The following KANK1 variants were observed in gnomAD, a reference collection of about 807,000 sequenced individuals.
KANK1 encodes KN motif and ankyrin repeat domains 1.
A neutral mutation model predicts 106.2 loss-of-function variants in KANK1; 109 were observed. The observed-to-expected ratio is 1.03, with a 90% CI of 0.88 to 1.20. KANK1 has a LOEUF of 1.20. Among genes scored for constraint, KANK1 ranks in the 50% most tolerant of loss-of-function variants. The pLI is 0.00. For synonymous variants in KANK1, 873 were observed against 652.2 expected, an observed-to-expected ratio of 1.34 and a Z score of -5.16; for missense variants, 2,399 against 1,710.7, an observed-to-expected ratio of 1.40 and a Z score of -7.10.
chr9:576,932 C>G (rs1220962658), intron 1 of KANK1, among the ~76,000 whole-genome samples: 2 of 152,192 alleles, frequency 1.3e-5, no homozygotes, highest in Non-Finnish European at 2.9e-5. Flanking sequence ...GCCATAGACC[C>G]TCACGGTGAG....
intron 1 of KANK1, among the ~76,000 whole-genome samples, chr9:576,083 A>G (rs1820482674): frequency 6.6e-6 from 1 of 152,216 alleles, no homozygotes; most frequent in Admixed American, 6.5e-5. Context: ...GACCAGCATC[A>G]TTCACATCAT....
rs769857023 is a variant in KANK1, at chr9:742,376, C to A, written c.3868C>A (p.Pro1290Thr). The A allele has an allele frequency of 1.2e-6, 2 of 1,613,812 alleles. No homozygotes were observed. The highest frequency in any genetic ancestry group is 1.7e-6 in the Non-Finnish European group (2 of 1,179,850). ...GATTGTCAAGCTGCTGCTGGCCCAG[C>A]CCGGCTGCAACGGTCACCTAGAGGA... ...VEIVKLLLAQ[P>T]GCNGHLEDND... is the part of the protein sequence containing the mutation. Residue 1290 changes from proline to threonine, a missense_variant, in exon 10 of 12, where the codon CCC becomes ACC. Physicochemically the swap from Pro to Thr is conservative, Grantham distance 38. Coordinates refer to ENST00000382297, the MANE Select transcript of KANK1 (RefSeq NM_015158.5).
At chr9:571,435 A>C (rs1819136678) in intron 1 of KANK1, among the ~76,000 whole-genome samples, 1 of 152,226 alleles carries the variant, frequency 6.6e-6, no homozygotes, top group Non-Finnish European at 1.5e-5. Flanking sequence ...AAAAATAATA[A>C]AATAAAAAGC....
chr9:621,259 A>G (rs1433093047), intron 1 of KANK1, among the ~76,000 whole-genome samples: 2 of 152,156 alleles, frequency 1.3e-5, no homozygotes, highest in Non-Finnish European at 2.9e-5. Flanking sequence ...GTAAATTAAT[A>G]ATTTTGAGCT....
chr9:474,737 GAGCAGGGGGAGATC>G (rs1296042166), intron 3 of KANK1, among the ~76,000 whole-genome samples: 1 of 152,144 alleles, frequency 6.6e-6, no homozygotes, highest in Non-Finnish European at 1.5e-5. Context: ...AAATGGGGTT[GAGCAGGGGGAGATC>G]AGAGGATGAG....
chr9:671,478 T>C (rs1845888152), intron 1 of KANK1, among the ~76,000 whole-genome samples: 1 of 151,442 alleles, frequency 6.6e-6, no homozygotes, highest in Non-Finnish European at 1.5e-5. Flanking sequence ...ACCGCATCTC[T>C]ACTGAAAATA....
intron 1 of KANK1, among the ~76,000 whole-genome samples, chr9:632,172 T>A (rs1835897760): frequency 6.6e-6 from 1 of 152,200 alleles, no homozygotes; most frequent in South Asian, 2.1e-4. Flanking sequence ...AGTGAACTTC[T>A]TTTGAAGTCA....
intron 1 of KANK1, among the ~76,000 whole-genome samples, chr9:600,099 T>A (rs1325512796): frequency 1.3e-5 from 2 of 151,850 alleles, no homozygotes; most frequent in Admixed American, 6.5e-5. Context: ...ATTGCACAAT[T>A]CAGTAATGTT....
rs556485552 is a variant in KANK1 at position 714,322 on chromosome 9, GGT to G, written c.2698+860_2698+861del. Among the ~76,000 whole-genome samples, 176 of 151,698 alleles carry G rather than the reference GGT, an allele frequency of 1.2e-3. 1 individual carries two copies. The highest frequency in any genetic ancestry group is 4.0e-3 in the African/African-American group (165 of 41,354). Reference sequence around the variant, plus strand: ...TCAGGGTGAGGGCTGTTTGAGATGAGGTGGTCAAACTTGGAGAGAAGGGAGTC... The same window carrying G: ...TCAGGGTGAGGGCTGTTTGAGATGAGGGTCAAACTTGGAGAGAAGGGAGTC... On this transcript the variant is annotated intron_variant, in intron 3 of 11. Coordinates refer to ENST00000382297, the MANE Select transcript of KANK1 (RefSeq NM_015158.5).
At chr9:529,443 C>T (rs2059960965) in intron 1 of KANK1, among the ~76,000 whole-genome samples, 1 of 151,304 alleles carries the variant, frequency 6.6e-6, no homozygotes, top group Non-Finnish European at 1.5e-5. Flanking sequence ...TCGTGATCCA[C>T]TTGCCTTCGC....
Position 713,119 on chromosome 9 carries a change from C to T in KANK1, c.2353C>T (p.Gln785Ter). The change falls in exon 3 of 12, where the codon CAG becomes TAG. Residue 785 changes from glutamine to a stop codon, truncating the protein, a stop_gained. Transcript: ENST00000382297. LOFTEE classifies it high-confidence loss of function. ...KMRTIACGPPQLTVGLTASRR... is the reference protein window; with the variant it reads ...KMRTIACGPP Reference sequence around the variant, plus strand: ...GAGGACTATAGCTTGTGGGCCACCACAGTTGACTGTGGGGCTGACAGCCAG... The same window carrying T: ...GAGGACTATAGCTTGTGGGCCACCATAGTTGACTGTGGGGCTGACAGCCAG... 2 of 1,604,120 alleles carry T rather than the reference C, an allele frequency of 1.2e-6. No homozygotes were observed. The highest frequency in any genetic ancestry group is 1.7e-6 in the Non-Finnish European group (2 of 1,173,236).
intron 1 of KANK1, among the ~76,000 whole-genome samples, chr9:650,730 C>G (rs542490935): frequency 6.6e-6 from 1 of 151,718 alleles, no homozygotes; most frequent in African/African-American, 2.4e-5. Flanking sequence ...GTATTGTCCC[C>G]GGTCTCTTTA....
intron 1 of KANK1, among the ~76,000 whole-genome samples, chr9:505,087 G>T (rs2058684813): frequency 6.6e-6 from 1 of 151,970 alleles, no homozygotes; most frequent in Non-Finnish European, 1.5e-5. Context: ...AGAAAGTTCG[G>T]GCCGGGCCGG....
intron 1 of KANK1, among the ~76,000 whole-genome samples, chr9:661,046 C>G (rs760467226): frequency 1.1e-4 from 17 of 151,486 alleles, no homozygotes; most frequent in Non-Finnish European, 2.1e-4. Flanking sequence ...AACAGCTGTC[C>G]AATTTCATGG....
At chr9:483,343 C>T (rs371764625) in intron 3 of KANK1, among the ~76,000 whole-genome samples, 9 of 152,166 alleles carry the variant, frequency 5.9e-5, no homozygotes, top group African/African-American at 2.2e-4. Context: ...GATGCCTTAG[C>T]TTCAATCCCC....
In KANK1 at chr9:614,573, G is replaced by T. The variant is rs112731791; in HGVS notation, c.-83-62317G>T. Among the ~76,000 whole-genome samples, 812 of 152,226 alleles carry T rather than the reference G, an allele frequency of 5.3e-3. 11 individuals are homozygous for T. The highest frequency in any genetic ancestry group is 0.018 in the African/African-American group (762 of 41,520). On this transcript the variant is annotated intron_variant, in intron 1 of 11. Transcript: ENST00000382297. ...AGTAGGACAGTTCCTCATTGTGTGG[G>T]ACTGTCTCGTGTGCGGCAGGGTATT...
chr9:571,564 TA>T (rs59188995), intron 1 of KANK1, among the ~76,000 whole-genome samples: 284 of 136,766 alleles, frequency 2.1e-3, no homozygotes, highest in Middle Eastern at 7.8e-3. Flanking sequence ...CACTTCTAAA[TA>T]AAAAAAAAAA....
At chr9:539,495 T>G (rs1394721975) in intron 1 of KANK1, 1 of 152,156 alleles carries the variant, frequency 6.6e-6, no homozygotes, top group African/African-American at 2.4e-5. Flanking sequence ...AGTATTTCAT[T>G]CTTTCTTTTT....
intron 2 of KANK1, among the ~76,000 whole-genome samples, chr9:684,015 C>G (rs1318942698): frequency 1.3e-5 from 2 of 152,176 alleles, no homozygotes; most frequent in African/African-American, 4.8e-5. Flanking sequence ...GGGGGACACC[C>G]TGGGTTTTGA....
Sources: gnomAD v4.1 joint callset for allele counts (sites outside exome capture counted in the v4.1 genomes callset) on GRCh38, gnomAD v4.1.1 for gene constraint, MANE v1.5 for transcripts, NCBI Gene and HGNC (gene_info 2026-07-23, HGNC 2026-07-21) for gene names.